RCOR3: variants seen among roughly 807,000 people sequenced by gnomAD.
RCOR3 encodes REST corepressor 3.
A neutral mutation model predicts 64.1 loss-of-function variants in RCOR3; 13 were observed. That is an observed-to-expected ratio of 0.20 (90% CI 0.13 to 0.32). The LOEUF (loss-of-function observed/expected upper bound fraction) is 0.32, where lower values mean the gene tolerates loss of function less well. RCOR3 is among the 10% of genes least tolerant of loss of function. The probability of loss-of-function intolerance (pLI) is 1.00; values close to 1 mark genes in which losing one functional copy is unlikely to be tolerated. For missense variants in RCOR3, 489 were observed against 701.2 expected, an observed-to-expected ratio of 0.70 and a Z score of 3.42; for synonymous variants, 215 against 239.0, an observed-to-expected ratio of 0.90 and a Z score of 0.93.
chr1:211,297,097 A>C (rs2102613166), intron 9 of RCOR3, among the ~76,000 whole-genome samples: 2 of 152,254 alleles, frequency 1.3e-5, no homozygotes, highest in Middle Eastern at 6.8e-3. Flanking sequence ...CGAAAGAATA[A>C]TTAACATTTT....
chr1:211,299,835 C>T (rs182005614), intron 9 of RCOR3, among the ~76,000 whole-genome samples: 7 of 152,244 alleles, frequency 4.6e-5, no homozygotes, highest in Admixed American at 2.6e-4. Context: ...CTAACTACAG[C>T]TACCACGCAG....
intron 7 of RCOR3, among the ~76,000 whole-genome samples, chr1:211,284,033 ATTTATTTTAT>A (rs1553256072): frequency 1.3e-5 from 2 of 150,616 alleles, no homozygotes; most frequent in African/African-American, 2.4e-5. Context: ...TTTATTATTT[ATTTATTTTAT>A]TTTATTTTAT....
In RCOR3 at chr1:211,291,401, A is replaced by T. The variant is rs970050032; in HGVS notation, c.939+2005A>T. 4.2e-5 allele frequency: 13 copies of T among 312,152 alleles called. No homozygotes were observed. The Admixed American group carries it at 5.4e-4, about 13-fold the overall frequency. 19.3% of individuals were successfully genotyped at this position (312,152 alleles called of 1,614,324 possible). ...TTTTGGGTTTTCGGATTAGGGATGT[A>T]CAACTGGTATATATTATGCAAATAT... On this transcript the variant is annotated intron_variant, in intron 8 of 11. Transcript: ENST00000419091.
intron 7 of RCOR3, among the ~76,000 whole-genome samples, chr1:211,281,725 T>G (rs1197346320): frequency 6.6e-6 from 1 of 152,204 alleles, no homozygotes; most frequent in African/African-American, 2.4e-5. Context: ...CAAATCTGCC[T>G]AGGAAATTCC....
chr1:211,297,883 T>G (rs979440837), intron 9 of RCOR3, among the ~76,000 whole-genome samples: 1 of 152,156 alleles, frequency 6.6e-6, no homozygotes, highest in Non-Finnish European at 1.5e-5. Context: ...CCATATCTAA[T>G]CAAAGAATGT....
At chr1:211,301,570 A>G (rs990519750) in intron 9 of RCOR3, 1 of 152,184 alleles carries the variant, frequency 6.6e-6, no homozygotes, top group Non-Finnish European at 1.5e-5. Context: ...ATCACTTCTT[A>G]CTGACACAAA....
intron 2 of RCOR3, among the ~76,000 whole-genome samples, chr1:211,262,994 G>A (rs1256769908): frequency 1.3e-5 from 2 of 149,550 alleles, no homozygotes; most frequent in Admixed American, 1.3e-4. Flanking sequence ...TTAGCATTAG[G>A]TATATCTCCT....
At chr1:211,295,641 C>CG (rs919807847) in intron 8 of RCOR3, 35 bp from the exon 9 acceptor site, 2 of 1,571,992 alleles carry the variant, frequency 1.3e-6, no homozygotes, top group African/African-American at 2.7e-5. Flanking sequence ...CCTAAGTACG[C>CG]GATCTGATTC....
At chr1:211,296,035 A>G (rs781618649) in intron 9 of RCOR3, among the ~76,000 whole-genome samples, 1 of 152,230 alleles carries the variant, frequency 6.6e-6, no homozygotes, top group African/African-American at 2.4e-5. Context: ...CTAGAAGCTC[A>G]TTGACGAGCA....
At chr1:211,281,746 A>G (rs543955802) in intron 7 of RCOR3, among the ~76,000 whole-genome samples, 2 of 152,146 alleles carry the variant, frequency 1.3e-5, no homozygotes, top group Admixed American at 6.5e-5. Flanking sequence ...TCACAACTCT[A>G]CAAGATGTAG....
Position 211,313,016 on chromosome 1 carries a change from G to T in RCOR3, c.1317+55G>T. On this transcript the variant is annotated intron_variant, in intron 11 of 11. Transcript: ENST00000419091. This position sits in a 1 kb window ranked among gnomAD's most constrained non-coding sequence, Gnocchi z 4.7. ...ATGAGTTGAGGAATCACCATTTTGT[G>T]TGGTATTCTGTAAGGTTAATTTGTC... 3 of 1,611,088 alleles carry T rather than the reference G, an allele frequency of 1.9e-6. No individual in the cohort carries two copies. The highest frequency in any genetic ancestry group is 8.5e-7 in the Non-Finnish European group (1 of 1,177,954).
intron 1 of RCOR3, 45 bp from the exon 2 acceptor site, chr1:211,260,063 C>G (rs1367747309): frequency 1.4e-6 from 2 of 1,443,166 alleles, no homozygotes; most frequent in African/African-American, 2.9e-5. Flanking sequence ...TCTTTCTTTT[C>G]TTCTTTTTTA....
Position 211,313,052 on chromosome 1 carries a change from G to C in RCOR3, c.1317+91G>C. The C allele has an allele frequency of 6.3e-7, 1 of 1,588,058 alleles. No individual in the cohort carries two copies. The highest frequency in any genetic ancestry group is 8.6e-7 in the Non-Finnish European group (1 of 1,167,024). ...TAAGGTTAATTTGTCAAGAGGACTA[G>C]CTAAATTGAGCATGAAAGGTTGACA... On this transcript the variant is annotated intron_variant, in intron 11 of 11. Transcript: ENST00000419091. The surrounding 1 kb of genome is among the most constrained non-coding windows in gnomAD (Gnocchi z 4.7).
In RCOR3 at chr1:211,314,529, T is replaced by G. The variant is rs1022669650; in HGVS notation, c.*761T>G. 6.6e-6 allele frequency: 1 copy of G among 152,182 alleles called. No homozygotes were observed. The highest frequency in any genetic ancestry group is 1.5e-5 in the Non-Finnish European group (1 of 68,010). The allele number at this position is 152,182 out of a possible 1,614,324, so 9.4% of individuals were successfully genotyped here. On this transcript the variant is annotated 3_prime_UTR_variant, in exon 12 of 12. Coordinates refer to ENST00000419091, the MANE Select transcript of RCOR3 (RefSeq NM_001136223.3). ...GTCAGTAATGAGAGGATTGGAAGAA[T>G]AATTTTGCATACAAATGAGGACTTA...
At chr1:211,279,451 A>G in intron 7 of RCOR3, 135 bp downstream of exon 7, 2 of 597,586 alleles carry the variant, frequency 3.3e-6, no homozygotes, top group Admixed American at 3.3e-5. Flanking sequence ...AATTAGCAAT[A>G]CAGTCATACC....
intron 2 of RCOR3, among the ~76,000 whole-genome samples, chr1:211,263,145 A>G (rs1242253934): frequency 6.6e-6 from 1 of 150,714 alleles, no homozygotes; most frequent in Non-Finnish European, 1.5e-5. Flanking sequence ...TCCTTGCGAT[A>G]GTTTACTGAG....
chr1:211,286,633 T>C (rs924756795), intron 7 of RCOR3, among the ~76,000 whole-genome samples: 5 of 152,202 alleles, frequency 3.3e-5, no homozygotes, highest in Non-Finnish European at 2.9e-5. Context: ...TCTATTCTTA[T>C]TGTATACTCT....
chr1:211,269,877 C>T (rs772599271), intron 2 of RCOR3, among the ~76,000 whole-genome samples: 1 of 151,928 alleles, frequency 6.6e-6, no homozygotes, highest in South Asian at 2.1e-4. Context: ...GCTGTGATCC[C>T]AACTACTTGG....
intron 2 of RCOR3, among the ~76,000 whole-genome samples, chr1:211,262,023 G>C (rs1293357530): frequency 8.2e-6 from 1 of 122,032 alleles, no homozygotes; most frequent in Non-Finnish European, 1.7e-5. Context: ...AGTATTCCTA[G>C]CTATAAAAAC....
Sources: allele counts gnomAD v4.1 joint callset (sites outside exome capture counted in the v4.1 genomes callset), GRCh38; gene constraint gnomAD v4.1.1; non-coding constraint Gnocchi (gnomAD v3.1); transcripts MANE v1.5; gene names NCBI Gene and HGNC (gene_info 2026-07-23, HGNC 2026-07-21).